The following JARID2 variants were observed in gnomAD, a reference collection of about 807,000 sequenced individuals.
JARID2 encodes the protein jumonji and AT-rich interaction domain containing 2.
In JARID2, 21 loss-of-function variants were observed where a neutral mutation model predicts 125.6. That is an observed-to-expected ratio of 0.17 (90% confidence interval 0.12 to 0.24). The LOEUF is 0.24. JARID2 is among the 10% of genes least tolerant of loss of function. JARID2 has a pLI of 1.00. For missense variants in JARID2, 1,303 were observed against 1,639.6 expected, an observed-to-expected ratio of 0.79 and a Z score of 3.55; for synonymous variants, 736 against 661.6, an observed-to-expected ratio of 1.11 and a Z score of -1.73.
chr6:15,481,147 A>AC (rs1769594386), intron 5 of JARID2, among the ~76,000 whole-genome samples: 2 of 152,232 alleles, frequency 1.3e-5, no homozygotes, highest in Non-Finnish European at 2.9e-5. Context: ...AATCAAAATA[A>AC]TAGCCTTTGG....
chr6:15,442,079 A>G (rs569608324), intron 3 of JARID2, among the ~76,000 whole-genome samples: 18 of 152,094 alleles, frequency 1.2e-4, no homozygotes, highest in South Asian at 2.1e-4. Context: ...ATTGTAGAAT[A>G]CAATTTCTTC....
At chr6:15,362,635 A>C (rs953456605) in intron 1 of JARID2, among the ~76,000 whole-genome samples, 1 of 152,148 alleles carries the variant, frequency 6.6e-6, no homozygotes, top group Non-Finnish European at 1.5e-5. Flanking sequence ...TGGGCTCTGC[A>C]AGGAAATTTG....
intron 1 of JARID2, among the ~76,000 whole-genome samples, chr6:15,253,924 A>T (rs1336231780): frequency 6.6e-6 from 1 of 152,182 alleles, no homozygotes. Context: ...TAGTTTTCTG[A>T]ATTTGCTCCC....
intron 4 of JARID2, among the ~76,000 whole-genome samples, chr6:15,468,186 T>A (rs1034674269): frequency 1.3e-5 from 2 of 149,878 alleles, no homozygotes; most frequent in African/African-American, 2.5e-5. Flanking sequence ...TTTTTTTTTT[T>A]AAGTCTATTA....
intron 1 of JARID2, among the ~76,000 whole-genome samples, chr6:15,281,922 C>CTGTG (rs1491304835): frequency 4.1e-5 from 5 of 122,312 alleles, no homozygotes; most frequent in African/African-American, 1.3e-4. Context: ...AGGGTATGTG[C>CTGTG]TCTGTGTGTG....
At chr6:15,254,806 G>A (rs955286482) in intron 1 of JARID2, among the ~76,000 whole-genome samples, 1 of 152,034 alleles carries the variant, frequency 6.6e-6, no homozygotes, top group African/African-American at 2.4e-5. Flanking sequence ...TTCGAAGGCC[G>A]AGGTGAGCGG....
chr6:15,342,864 C>G (rs1292384225), intron 1 of JARID2, among the ~76,000 whole-genome samples: 1 of 152,096 alleles, frequency 6.6e-6, no homozygotes, highest in Non-Finnish European at 1.5e-5. Context: ...GAAATTATTA[C>G]TGAGGTGCTT....
rs191916907 is a variant in JARID2 at position 15,473,692 on chromosome 6, T to C, written c.670+4974T>C. ...TGTAGGCATCCGAGTACCAAGTCTTTTGTGAAGTCATATGAAAAGAAAAAA... is the reference window on the plus strand; with the variant it reads ...TGTAGGCATCCGAGTACCAAGTCTTCTGTGAAGTCATATGAAAAGAAAAAA... On this transcript the variant is annotated intron_variant, in intron 5 of 17. Coordinates refer to ENST00000341776, the MANE Select transcript of JARID2 (RefSeq NM_004973.4). 5.3e-5 allele frequency among the ~76,000 whole-genome samples: 8 copies of C among 152,238 alleles called. No individual in the cohort carries two copies. In the East Asian group the frequency reaches 9.6e-4, roughly 18 times the overall value.
At chr6:15,507,797 G>A (rs1319696277) in intron 11 of JARID2, among the ~76,000 whole-genome samples, 1 of 152,196 alleles carries the variant, frequency 6.6e-6, no homozygotes, top group African/African-American at 2.4e-5. Context: ...CAAACTTCAG[G>A]GAAAGCCAAG....
rs5874512 is a variant in JARID2 at position 15,444,735 on chromosome 6, A to ATT, written c.324-7250_324-7249dup. Among the ~76,000 whole-genome samples the ATT allele has an allele frequency of 6.5e-3, 593 of 91,896 alleles. 12 individuals carry two copies. The highest frequency in any genetic ancestry group is 0.041 in the East Asian group (134 of 3,236). The allele number at this position is 91,896 out of a possible 152,430, so 60.3% of individuals were successfully genotyped here. On this transcript the variant is annotated intron_variant, in intron 3 of 17. Transcript: ENST00000341776. ...GCATTTGCCAGACACGAACTGTCTG[A>ATT]TTTTTTTTTTTTTTTTTTTTTTGAA... is the stretch of plus-strand genomic sequence containing the variant.
chr6:15,464,761 A>T (rs1461793528), intron 4 of JARID2, among the ~76,000 whole-genome samples: 2 of 152,156 alleles, frequency 1.3e-5, no homozygotes, highest in Non-Finnish European at 2.9e-5. Flanking sequence ...CTGATTTACG[A>T]ATCCTTCATT....
intron 1 of JARID2, among the ~76,000 whole-genome samples, chr6:15,369,667 A>G (rs13205612): frequency 0.1 from 15,904 of 152,260 alleles, 930 homozygotes; most frequent in Middle Eastern, 0.18. Flanking sequence ...CATATGATTG[A>G]GAATGAATTA....
At chr6:15,266,876 C>T (rs943904715) in intron 1 of JARID2, among the ~76,000 whole-genome samples, 3 of 152,196 alleles carry the variant, frequency 2.0e-5, no homozygotes, top group Non-Finnish European at 4.4e-5. Context: ...CTGGTTGTCC[C>T]TCAGCCACTT....
At chr6:15,469,382 C>G (rs1425658411) in intron 5 of JARID2, among the ~76,000 whole-genome samples, 2 of 56,322 alleles carry the variant, frequency 3.6e-5, no homozygotes, top group East Asian at 7.7e-4. Flanking sequence ...CCCCCTCTCC[C>G]CCTCTCCCCC....
At chr6:15,361,447 G>T (rs1450460824) in intron 1 of JARID2, among the ~76,000 whole-genome samples, 1 of 152,206 alleles carries the variant, frequency 6.6e-6, no homozygotes, top group African/African-American at 2.4e-5. Context: ...CATCACCGAA[G>T]TGTAAATGGT....
intron 5 of JARID2, among the ~76,000 whole-genome samples, chr6:15,477,961 A>T (rs1373487402): frequency 6.6e-6 from 1 of 152,170 alleles, no homozygotes; most frequent in Non-Finnish European, 1.5e-5. Flanking sequence ...GCCTCGCCAG[A>T]ACTATGTTGT....
intron 1 of JARID2, among the ~76,000 whole-genome samples, chr6:15,287,624 C>T (rs1053118377): frequency 1.3e-5 from 2 of 152,172 alleles, no homozygotes; most frequent in African/African-American, 4.8e-5. Flanking sequence ...TTTCCCTATT[C>T]AAGTTCACAG....
chr6:15,318,230 A>G (rs1298717802), intron 1 of JARID2, among the ~76,000 whole-genome samples: 1 of 152,118 alleles, frequency 6.6e-6, no homozygotes, highest in Non-Finnish European at 1.5e-5. Context: ...AAAAGATTAA[A>G]CAAATAGGAC....
intron 1 of JARID2, among the ~76,000 whole-genome samples, chr6:15,296,564 T>A (rs1761423608): frequency 6.6e-6 from 1 of 152,154 alleles, no homozygotes; most frequent in South Asian, 2.1e-4. Context: ...AACACATAGT[T>A]TTTATAATTC....
Sources: allele counts gnomAD v4.1 joint callset (sites outside exome capture counted in the v4.1 genomes callset), GRCh38; gene constraint gnomAD v4.1.1; transcripts MANE v1.5; gene names NCBI Gene and HGNC (gene_info 2026-07-23, HGNC 2026-07-21).